The following USP54 variants were observed in gnomAD, a reference collection of about 807,000 sequenced individuals.
USP54 encodes ubiquitin specific peptidase 54.
Under a neutral mutation model 170.5 loss-of-function variants are expected in USP54, and 87 were observed. The ratio of observed to expected loss-of-function variants is 0.51; its 90% CI spans 0.43 to 0.61. The LOEUF (loss-of-function observed/expected upper bound fraction) is 0.61. Ranked by LOEUF, USP54 falls within the 20% of genes least tolerant of loss-of-function variation. The pLI is 0.00. For missense variants in USP54, 1,786 were observed against 2,047.8 expected (o/e 0.87, Z 2.47); for synonymous variants, 655 against 742.8 (o/e 0.88, Z 1.92).
At chr10:73,591,084 C>T (rs2078196309) in intron 1 of USP54, among the ~76,000 whole-genome samples, 194 bp downstream of exon 1, 1 of 151,574 alleles carries the variant, frequency 6.6e-6, no homozygotes, top group African/African-American at 2.4e-5. Context: ...CAAACAACAG[C>T]TTGAAAGATG....
upstream of USP54, among the ~76,000 whole-genome samples, chr10:73,596,248 C>G (rs182869041): frequency 2.0e-3 from 297 of 152,044 alleles, 1 homozygote; most frequent in Non-Finnish European, 3.3e-3. Flanking sequence ...ATGGTGAAAC[C>G]CCATCTCTAC....
intron 19 of USP54, chr10:73,519,367 C>G (rs754411423): frequency 9.9e-6 from 2 of 201,186 alleles, no homozygotes; most frequent in Non-Finnish European, 2.1e-5. Context: ...TGTCTCTTCT[C>G]TATGGTGCAA....
intron 1 of USP54, among the ~76,000 whole-genome samples, chr10:73,577,875 C>T (rs2076328923): frequency 6.6e-6 from 1 of 152,106 alleles, no homozygotes; most frequent in Non-Finnish European, 1.5e-5. Context: ...CTACACACAC[C>T]CTCATACACA....
intron 19 of USP54, chr10:73,519,580 T>G: frequency 1.5e-6 from 1 of 661,528 alleles, no homozygotes; most frequent in Non-Finnish European, 2.5e-6. Flanking sequence ...ACAAATGGTC[T>G]TATTATGCTG....
At chr10:73,613,591 T>A (rs888441751) in intron 1 of USP54, among the ~76,000 whole-genome samples, 6 of 151,810 alleles carry the variant, frequency 4.0e-5, no homozygotes, top group Non-Finnish European at 5.9e-5. Flanking sequence ...ATGACTATCT[T>A]GAAAACCCAA....
At chr10:73,506,812 C>T (rs2059209504) in intron 20 of USP54, 2 of 151,934 alleles carry the variant, frequency 1.3e-5, no homozygotes, top group South Asian at 4.2e-4. Flanking sequence ...TTACAGTCTT[C>T]CTAAAAAACA....
chr10:73,596,636 T>C (rs977096465), intron 1 of USP54, among the ~76,000 whole-genome samples: 4 of 149,784 alleles, frequency 2.7e-5, no homozygotes, highest in Admixed American at 6.7e-5. Flanking sequence ...GGAGAATCAC[T>C]TGAGCCTGGG....
chr10:73,504,750 C>A, intron 22 of USP54, 100 bp downstream of exon 22: 4 of 1,521,570 alleles, frequency 2.6e-6, no homozygotes, highest in African/African-American at 1.4e-5. Context: ...CCTTTCCTCA[C>A]ATTACAACCT....
chr10:73,575,203 C>T lies in USP54; in HGVS notation c.147+309G>A, dbSNP rs180896403. Reference sequence around the variant, plus strand: ...TTGCGCCACTGCACTCCAGCCTGGGCGACAGAGCAAGACTCTGTCTGAAAG... The same window carrying T: ...TTGCGCCACTGCACTCCAGCCTGGGTGACAGAGCAAGACTCTGTCTGAAAG... On this transcript the variant is annotated intron_variant, in intron 3 of 23. Transcript: ENST00000687698. Among the ~76,000 whole-genome samples the T allele has an allele frequency of 2.1e-4, 32 of 152,180 alleles. No homozygotes were observed. The East Asian group carries it at 3.3e-3, about 16-fold the overall frequency.
chr10:73,625,035 T>C (rs2081409372), intron 1 of USP54, among the ~76,000 whole-genome samples: 1 of 152,208 alleles, frequency 6.6e-6, no homozygotes, highest in South Asian at 2.1e-4. Flanking sequence ...TGCACATTTT[T>C]TCACCATACC....
Position 73,530,324 on chromosome 10 carries a change from A to C in USP54, c.1647T>G (p.Pro549=). Residue 549 remains proline (P), a synonymous_variant, in exon 14 of 24, where the codon CCT becomes CCG. Coordinates refer to ENST00000687698, the MANE Select transcript of USP54 (RefSeq NM_001391956.1). ...CTATTTCCCAGTCACGAGAGTGTAAAGGCAGGGTCCTAGGAGGTTTTTTGT... is the reference window on the plus strand; with the variant it reads ...CTATTTCCCAGTCACGAGAGTGTAACGGCAGGGTCCTAGGAGGTTTTTTGT... ...QPDKKPPRTL[P]LHSRDWEIES... 1.9e-6 allele frequency: 3 copies of C among 1,614,066 alleles called. No homozygotes were observed. Among genetic ancestry groups the C allele is most frequent in the Non-Finnish European group, 2.5e-6 (3 of 1,179,998 alleles).
intron 4 of USP54, among the ~76,000 whole-genome samples, chr10:73,555,276 T>C (rs904358833): frequency 2.0e-5 from 3 of 152,234 alleles, no homozygotes; most frequent in Admixed American, 1.3e-4. Flanking sequence ...ATCTACCTTC[T>C]GGACTCTCAA....
Position 73,536,339 on chromosome 10 carries a change from G to A in USP54, c.1074C>T (p.Ser358=), listed in dbSNP as rs1384211230. The A allele has an allele frequency of 2.5e-6, 4 of 1,614,012 alleles. No homozygotes were observed. The African/African-American group carries it at 5.3e-5, about 22-fold the overall frequency. The part of the protein sequence containing the change: ...LYADPQGTPV[S]TQDLPPQAEF... ...CAGCTTGGGGAGGCAGGTCCTGGGT[G>A]GAAACTGGGGTACCCTGGGGATCTG... Residue 358 remains serine, a synonymous_variant, in exon 11 of 24, where the codon TCC becomes TCT. Coordinates refer to ENST00000687698, the MANE Select transcript of USP54 (RefSeq NM_001391956.1).
At chr10:73,532,895 A>C (rs1224416813) in intron 12 of USP54, among the ~76,000 whole-genome samples, 1 of 152,244 alleles carries the variant, frequency 6.6e-6, no homozygotes, top group African/African-American at 2.4e-5. Flanking sequence ...CATAGACCTC[A>C]TTTAGATGCT....
Position 73,497,923 on chromosome 10 carries a change from T to G in USP54, c.*706A>C, listed in dbSNP as rs922337020. The G allele has an allele frequency of 6.6e-6, 1 of 151,470 alleles. No homozygotes were observed. The highest frequency in any genetic ancestry group is 1.5e-5 in the Non-Finnish European group (1 of 67,888). The allele number at this position is 151,470 out of a possible 1,614,324, so 9.4% of individuals were successfully genotyped here. On this transcript the variant is annotated 3_prime_UTR_variant, in exon 24 of 24. Transcript: ENST00000687698. Reference sequence around the variant, plus strand: ...AGGGATAGGTGGATAAAACAAAGAGTAGAAGTTGGGAGTATAGTAGGGAAC... The same window carrying G: ...AGGGATAGGTGGATAAAACAAAGAGGAGAAGTTGGGAGTATAGTAGGGAAC...
At chr10:73,568,581 G>GA (rs1306745450) in intron 4 of USP54, among the ~76,000 whole-genome samples, 8 of 151,944 alleles carry the variant, frequency 5.3e-5, no homozygotes, top group Non-Finnish European at 1.2e-4. Context: ...CTGAGGAACT[G>GA]AAAAGCCCTT....
At chr10:73,559,068 A>C (rs2072051670) in intron 4 of USP54, among the ~76,000 whole-genome samples, 2 of 152,212 alleles carry the variant, frequency 1.3e-5, no homozygotes, top group African/African-American at 4.8e-5. Context: ...TCAACGGTTA[A>C]CTGTATTTCA....
chr10:73,616,071 C>T (rs2080606093), intron 1 of USP54, among the ~76,000 whole-genome samples: 1 of 150,096 alleles, frequency 6.7e-6, no homozygotes, highest in Admixed American at 6.6e-5. Context: ...TTAAGCCAGG[C>T]AAGGTGGCTC....
At chr10:73,581,032 C>A (rs78276993) in intron 1 of USP54, among the ~76,000 whole-genome samples, 13,252 of 152,252 alleles carry the variant, frequency 0.087, 856 homozygotes, top group African/African-American at 0.18. Context: ...CCACCTAACA[C>A]CACATTTCTC....
Sources: gnomAD v4.1 joint callset for allele counts (sites outside exome capture counted in the v4.1 genomes callset) on GRCh38, gnomAD v4.1.1 for gene constraint, MANE v1.5 for transcripts, NCBI Gene and HGNC (gene_info 2026-07-23, HGNC 2026-07-21) for gene names.